BRWD1: variants seen among roughly 807,000 people sequenced by gnomAD.
The protein encoded by BRWD1 is bromodomain and WD repeat domain containing 1, also known as bromodomain and WD repeat-containing protein 1.
A neutral mutation model predicts 251.2 loss-of-function variants in BRWD1; 82 were observed. The observed-to-expected ratio is 0.33, with a 90% CI of 0.27 to 0.39. BRWD1 has a LOEUF of 0.39. Ranked by LOEUF, BRWD1 falls within the 10% of genes least tolerant of loss-of-function variation. The pLI is 1.00. For synonymous variants in BRWD1, 918 were observed against 902.8 expected (o/e 1.02, Z -0.30); for missense variants, 2,233 against 2,711.6 (o/e 0.82, Z 3.92).
chr21:39,244,079 T>C (rs1203399595), intron 21 of BRWD1, among the ~76,000 whole-genome samples: 1 of 152,038 alleles, frequency 6.6e-6, no homozygotes, highest in Admixed American at 6.6e-5. Flanking sequence ...GCTAACTTTT[T>C]TTTTTCTTTT....
rs148360591 is a variant in BRWD1 at position 39,197,559 on chromosome 21, C to T, written c.5654-144G>A. 33 of 656,404 alleles carry T rather than the reference C, an allele frequency of 5.0e-5. No individual in the cohort carries two copies. The African/African-American group carries it at 6.0e-4, about 12-fold the overall frequency. 40.7% of individuals were successfully genotyped at this position (656,404 alleles called of 1,614,324 possible). A position where few individuals can be genotyped will look rare whatever the true frequency, so the allele number is the denominator to read the frequency against. On this transcript the variant is annotated intron_variant, in intron 40 of 40. Coordinates refer to ENST00000342449, the MANE Select transcript of BRWD1 (RefSeq NM_033656.4). The stretch of plus-strand genomic sequence containing the variant: ...AATGGTACACACCTATTAGTATAGT[C>T]ATATGTTGCTCAACAGCAAGGATAC...
At position 39,190,494 on chromosome 21, in the gene BRWD1, C is replaced by G. The variant is rs186926054; in HGVS notation, c.*5765G>C. 2.0e-5 allele frequency: 20 copies of G among 985,320 alleles called. No homozygotes were observed. The Admixed American group carries it at 6.1e-4, about 30-fold the overall frequency. 61.0% of individuals were successfully genotyped at this position (985,320 alleles called of 1,614,324 possible). On this transcript the variant is annotated 3_prime_UTR_variant, in exon 41 of 41. Transcript: ENST00000342449. ...TGGTTGCTGTGGTTGGTGGATAAATCAAATCCACAAAGTGGGTAAACCCTC... is the reference window on the plus strand; with the variant it reads ...TGGTTGCTGTGGTTGGTGGATAAATGAAATCCACAAAGTGGGTAAACCCTC...
chr21:39,227,629 C>A (rs1314580220), intron 27 of BRWD1, among the ~76,000 whole-genome samples: 1 of 152,034 alleles, frequency 6.6e-6, no homozygotes, highest in Non-Finnish European at 1.5e-5. Context: ...TTTAATTTTT[C>A]TGCCCACCTA....
chr21:39,235,121 G>A (rs2033763789), intron 23 of BRWD1, among the ~76,000 whole-genome samples: 1 of 151,912 alleles, frequency 6.6e-6, no homozygotes, highest in South Asian at 2.1e-4. Context: ...TGGTTGCGTG[G>A]GCCTGTAGTC....
At chr21:39,201,369 A>G (rs2032101405) in intron 38 of BRWD1, among the ~76,000 whole-genome samples, 1 of 152,066 alleles carries the variant, frequency 6.6e-6, no homozygotes, top group Non-Finnish European at 1.5e-5. Context: ...GCCAAACTTA[A>G]TCTTCCTGAA....
At chr21:39,258,359 C>G in intron 18 of BRWD1, 128 bp downstream of exon 18, 2 of 800,090 alleles carry the variant, frequency 2.5e-6, no homozygotes, top group Non-Finnish European at 3.7e-6. Context: ...CTTCAGACTA[C>G]TAATTAAGTT....
downstream of BRWD1, chr21:39,185,119 A>G (rs1056051659): frequency 1.4e-4 from 21 of 152,128 alleles, no homozygotes; most frequent in African/African-American, 3.6e-4. Context: ...TGCAGTTACA[A>G]TAAGTTTAGG....
intron 8 of BRWD1, among the ~76,000 whole-genome samples, chr21:39,290,018 C>T (rs1018764780): frequency 1.4e-5 from 2 of 147,552 alleles, no homozygotes; most frequent in African/African-American, 5.0e-5. Context: ...GAGTGAGACT[C>T]CATCTCAAAA....
chr21:39,212,877 GA>G (rs879675993), intron 33 of BRWD1, among the ~76,000 whole-genome samples, 170 bp from the exon 34 acceptor site: 2,339 of 145,378 alleles, frequency 0.016, 56 homozygotes, highest in African/African-American at 0.055. Flanking sequence ...ACCCAGGCTT[GA>G]AAAAAAAAAA....
downstream of BRWD1, chr21:39,184,501 G>A (rs1269745450): frequency 6.6e-6 from 1 of 152,148 alleles, no homozygotes; most frequent in Admixed American, 6.5e-5. Flanking sequence ...AGATTTAGTT[G>A]TACCGAAATA....
At chr21:39,310,908 C>T (rs1176809762) in intron 4 of BRWD1, among the ~76,000 whole-genome samples, 4 of 152,022 alleles carry the variant, frequency 2.6e-5, no homozygotes, top group South Asian at 4.1e-4. Flanking sequence ...AGTTTAGAAA[C>T]GATACATATA....
At chr21:39,222,226 G>A (rs909302187) in intron 29 of BRWD1, among the ~76,000 whole-genome samples, 1 of 152,086 alleles carries the variant, frequency 6.6e-6, no homozygotes, top group Admixed American at 6.5e-5. Context: ...AAAAAAACTT[G>A]CACATGATAT....
chr21:39,186,973 GTTTACTTGTGTACCAATTGT>G lies in BRWD1; in HGVS notation c.*9266_*9285del. The G allele has an allele frequency of 6.6e-7, 1 of 1,508,166 alleles. No homozygotes were observed. The highest frequency in any genetic ancestry group is 8.8e-7 in the Non-Finnish European group (1 of 1,134,106). 93.4% of individuals were successfully genotyped at this position (1,508,166 alleles called of 1,614,324 possible). A position where few individuals can be genotyped will look rare whatever the true frequency, so the allele number is the denominator to read the frequency against. ...AGCTGGGAGCAGAATGTAACTGCCA[GTTTACTTGTGTACCAATTGT>G]TTTCAGATGCCACTTCTACATTCTC... On this transcript the variant is annotated 3_prime_UTR_variant, in exon 41 of 41. Coordinates refer to ENST00000342449, the MANE Select transcript of BRWD1 (RefSeq NM_033656.4).
intron 4 of BRWD1, among the ~76,000 whole-genome samples, chr21:39,306,923 A>C (rs573372414): frequency 6.6e-6 from 1 of 152,282 alleles, no homozygotes; most frequent in African/African-American, 2.4e-5. Context: ...GCTTGATCTC[A>C]GACCATTGCA....
At chr21:39,274,983 T>A (rs959095342) in intron 12 of BRWD1, among the ~76,000 whole-genome samples, 2 of 151,952 alleles carry the variant, frequency 1.3e-5, no homozygotes, top group Admixed American at 6.5e-5. Flanking sequence ...GAGGTTGCAG[T>A]GCAGTGAGCC....
intron 31 of BRWD1, among the ~76,000 whole-genome samples, chr21:39,216,321 T>C (rs1490426126): frequency 5.3e-5 from 8 of 152,154 alleles, no homozygotes. Context: ...ATAAATATTA[T>C]TTTTAAATGT....
chr21:39,238,867 T>A (rs775333992), intron 21 of BRWD1, among the ~76,000 whole-genome samples: 1 of 152,142 alleles, frequency 6.6e-6, no homozygotes, highest in Non-Finnish European at 1.5e-5. Flanking sequence ...TCAATGTAAA[T>A]GTTTTCCATT....
At chr21:39,198,528 T>G (rs1384643704) in intron 40 of BRWD1, among the ~76,000 whole-genome samples, 2 of 152,158 alleles carry the variant, frequency 1.3e-5, no homozygotes, top group Non-Finnish European at 2.9e-5. Flanking sequence ...GCATAGTTCT[T>G]AAGGCCAAGA....
intron 29 of BRWD1, among the ~76,000 whole-genome samples, chr21:39,224,203 T>C (rs1300176404): frequency 3.3e-5 from 5 of 152,144 alleles, no homozygotes; most frequent in Non-Finnish European, 7.4e-5. Flanking sequence ...GCTATTAAGG[T>C]ACAGCCAAAA....
Sources: allele counts gnomAD v4.1 joint callset (sites outside exome capture counted in the v4.1 genomes callset), GRCh38; gene constraint gnomAD v4.1.1; transcripts MANE v1.5; gene names NCBI Gene and HGNC (gene_info 2026-07-23, HGNC 2026-07-21).